The following ADGRE3 variants were observed in gnomAD, a reference collection of about 807,000 sequenced individuals.
The protein encoded by ADGRE3 is EGF-like module receptor 3.
In ADGRE3, 88 loss-of-function variants were observed where a neutral mutation model predicts 80.1. The ratio of observed to expected loss-of-function variants is 1.10; its 90% CI spans 0.93 to 1.31. The LOEUF (loss-of-function observed/expected upper bound fraction) is 1.31, where lower values mean the gene tolerates loss of function less well. Among genes scored for constraint, ADGRE3 ranks in the 40% most tolerant of loss-of-function variants. The pLI is 0.00. For missense variants in ADGRE3, 715 were observed against 776.5 expected, an observed-to-expected ratio of 0.92 and a Z score of 0.94; for synonymous variants, 281 against 294.8, an observed-to-expected ratio of 0.95 and a Z score of 0.48.
At chr19:14,604,737 T>TGG in the ADGRE3 span, among the ~76,000 whole-genome samples, 1 of 151,988 alleles carries the variant, frequency 6.6e-6, no homozygotes, top group Non-Finnish European at 1.5e-5. Context: ...CATTCCAGTC[T>TGG]GGGAGACAAA....
At chr19:14,640,055 A>T (rs906394440) in intron 10 of ADGRE3, among the ~76,000 whole-genome samples, 4 of 152,090 alleles carry the variant, frequency 2.6e-5, no homozygotes, top group African/African-American at 9.7e-5. Context: ...GCTATTTTAG[A>T]TTCCACACAT....
chr19:14,633,775 G>GT (rs1387247394), intron 11 of ADGRE3, among the ~76,000 whole-genome samples: 1 of 132,892 alleles, frequency 7.5e-6, no homozygotes, highest in African/African-American at 2.8e-5. Flanking sequence ...GATGACAATA[G>GT]CTTTTTTTTT....
intron 7 of ADGRE3, 41 bp from the exon 8 acceptor site, chr19:14,647,406 CTTTCTTTT>C: frequency 8.4e-7 from 1 of 1,193,024 alleles, no homozygotes; most frequent in African/African-American, 1.6e-5. Context: ...CTTTTCTTTT[CTTTCTTTT>C]TTTTTTTTTT....
chr19:14,637,364 C>T (rs1212851404), intron 11 of ADGRE3, among the ~76,000 whole-genome samples: 1 of 150,838 alleles, frequency 6.6e-6, no homozygotes, highest in Non-Finnish European at 1.5e-5. Flanking sequence ...CTCTCATCTT[C>T]TCGCTTGGCG....
rs1041952728 is a variant in ADGRE3 at position 14,647,082 on chromosome 19, T to G, written c.882+99A>C. On this transcript the variant is annotated intron_variant, in intron 8 of 15. Coordinates refer to ENST00000253673, the MANE Select transcript of ADGRE3 (RefSeq NM_032571.5). ...CGACAGGTGCTCCTGACTACGACCC[T>G]GAACAGAGTGGGTCTAGAACCACAG... 4.3e-6 allele frequency: 4 copies of G among 936,254 alleles called. No individual in the cohort carries two copies. In the African/African-American group the frequency reaches 6.6e-5, roughly 15 times the overall value. 58.0% of individuals were successfully genotyped at this position (936,254 alleles called of 1,614,324 possible).
At chr19:14,641,971 T>A (rs549023521) in intron 9 of ADGRE3, among the ~76,000 whole-genome samples, 3 of 152,202 alleles carry the variant, frequency 2.0e-5, no homozygotes, top group South Asian at 2.1e-4. Context: ...CTTTGATGAG[T>A]TTGGACATAT....
intron 13 of ADGRE3, 69 bp from the exon 14 acceptor site, chr19:14,630,276 G>A: frequency 1.5e-6 from 2 of 1,300,592 alleles, no homozygotes; most frequent in Non-Finnish European, 2.1e-6. Flanking sequence ...CCTCTAGTTA[G>A]CTGTTAATAG....
the ADGRE3 span, among the ~76,000 whole-genome samples, chr19:14,605,119 G>A: frequency 4.7e-5 from 7 of 150,190 alleles, no homozygotes; most frequent in African/African-American, 1.7e-4. Context: ...TTTTTGAGAC[G>A]GGATTTCGCT....
intron 9 of ADGRE3, among the ~76,000 whole-genome samples, chr19:14,642,001 A>C (rs1568485147): frequency 6.6e-6 from 1 of 152,186 alleles, no homozygotes; most frequent in Non-Finnish European, 1.5e-5. Context: ...CCCCTAAAAA[A>C]AGTAGAATGG....
intron 4 of ADGRE3, among the ~76,000 whole-genome samples, chr19:14,658,986 G>A (rs964236242): frequency 1.3e-5 from 2 of 150,346 alleles, no homozygotes; most frequent in African/African-American, 4.9e-5. Context: ...GCCTGCCTCG[G>A]CCTCCCAAAG....
chr19:14,641,066 C>A (rs188266672), intron 10 of ADGRE3, among the ~76,000 whole-genome samples: 74 of 152,256 alleles, frequency 4.9e-4, no homozygotes, highest in African/African-American at 1.7e-3. Context: ...TTTGCCTTCC[C>A]ATAATTTGTG....
rs1476712706 is a variant in ADGRE3 at position 14,674,782 on chromosome 19, G to A, written c.-12C>T. 49 of 1,613,612 alleles carry A rather than the reference G, an allele frequency of 3.0e-5. No homozygotes were observed. The highest frequency in any genetic ancestry group is 1.6e-4 in the Middle Eastern group (1 of 6,084). ...AATGGTCCCTGCATTTCTGTGGTAC[G>A]GGTATCCCACGCCAGCCAGCCCTGG... On this transcript the variant is annotated 5_prime_UTR_variant, in exon 1 of 16. Coordinates refer to ENST00000253673, the MANE Select transcript of ADGRE3 (RefSeq NM_032571.5).
At chr19:14,653,017 C>G (rs193193313) in intron 6 of ADGRE3, among the ~76,000 whole-genome samples, 214 of 152,076 alleles carry the variant, frequency 1.4e-3, no homozygotes, top group Non-Finnish European at 2.5e-3. Context: ...GAGTCTTGCT[C>G]TTTTGCCCAG....
At chr19:14,634,676 G>C (rs760880183) in intron 11 of ADGRE3, among the ~76,000 whole-genome samples, 6 of 152,142 alleles carry the variant, frequency 3.9e-5, no homozygotes, top group Non-Finnish European at 8.8e-5. Context: ...TCGCTAATGA[G>C]GGGACTGAGA....
intron 8 of ADGRE3, among the ~76,000 whole-genome samples, chr19:14,646,377 G>A (rs1352206180): frequency 3.9e-5 from 6 of 152,302 alleles, no homozygotes; most frequent in African/African-American, 7.2e-5. Context: ...GCCTCCCAAA[G>A]TGCTGGGATT....
chr19:14,663,932 TC>T (rs1010535064), intron 2 of ADGRE3, among the ~76,000 whole-genome samples: 40 of 151,822 alleles, frequency 2.6e-4, no homozygotes, highest in African/African-American at 9.4e-4. Context: ...ATGCTATCCC[TC>T]CCCCAGCCCC....
At chr19:14,648,823 C>T (rs1420407739) in intron 7 of ADGRE3, among the ~76,000 whole-genome samples, 1 of 152,138 alleles carries the variant, frequency 6.6e-6, no homozygotes, top group Non-Finnish European at 1.5e-5. Context: ...TACCTTGTGT[C>T]TCCTGCCTGC....
chr19:14,662,988 G>A (rs532147628), intron 3 of ADGRE3, among the ~76,000 whole-genome samples: 28 of 151,482 alleles, frequency 1.8e-4, no homozygotes, highest in African/African-American at 5.3e-4. Context: ...GATCCCAGGA[G>A]TTGGAGGCTG....
At chr19:14,658,625 G>T in intron 4 of ADGRE3, 75 bp from the exon 5 acceptor site, 1 of 1,062,850 alleles carries the variant, frequency 9.4e-7, no homozygotes, top group Non-Finnish European at 1.3e-6. Flanking sequence ...GGTGGGGTAA[G>T]TAATGGGGTG....
Sources: allele counts gnomAD v4.1 joint callset (sites outside exome capture counted in the v4.1 genomes callset), GRCh38; gene constraint gnomAD v4.1.1; transcripts MANE v1.5; gene names NCBI Gene and HGNC (gene_info 2026-07-23, HGNC 2026-07-21).